The following MTF2 variants were observed in gnomAD, a reference collection of about 807,000 sequenced individuals.
MTF2 encodes the protein metal-response element-binding transcription factor 2.
MTF2 carries 11 observed loss-of-function variants against 79.5 expected under a neutral mutation model. The observed-to-expected ratio is 0.14, with a 90% CI of 0.09 to 0.23. MTF2 has a LOEUF of 0.23. Ranked by LOEUF, MTF2 falls within the 10% of genes least tolerant of loss-of-function variation. The pLI, the probability that MTF2 is intolerant of heterozygous loss-of-function variation, is 1.00. For missense variants in MTF2, 486 were observed against 711.2 expected, an observed-to-expected ratio of 0.68 and a Z score of 3.60; for synonymous variants, 208 against 232.8, an observed-to-expected ratio of 0.89 and a Z score of 0.97.
chr1:93,114,813 C>T, intron 4 of MTF2, 30 bp downstream of exon 4: 1 of 1,507,776 alleles, frequency 6.6e-7, no homozygotes, highest in Non-Finnish European at 9.1e-7. Context: ...AATCTTGTTA[C>T]ATACTGAATG....
intron 8 of MTF2, chr1:93,119,717 C>A: frequency 5.0e-6 from 1 of 200,524 alleles, no homozygotes; most frequent in Non-Finnish European, 9.9e-6. Context: ...ATAGGTATAA[C>A]AAATATGCTA....
intron 14 of MTF2, among the ~76,000 whole-genome samples, chr1:93,136,427 A>G (rs1002068595): frequency 1.3e-5 from 2 of 152,192 alleles, no homozygotes; most frequent in Non-Finnish European, 2.9e-5. Context: ...AAATTACCCT[A>G]AACTTACTAG....
At chr1:93,123,529 T>C (rs1656572140) in intron 9 of MTF2, among the ~76,000 whole-genome samples, 2 of 152,106 alleles carry the variant, frequency 1.3e-5, no homozygotes, top group South Asian at 2.1e-4. Flanking sequence ...TGTAATGATA[T>C]AAGTTGATTG....
chr1:93,121,754 G>A, intron 9 of MTF2: 2 of 899,320 alleles, frequency 2.2e-6, no homozygotes, highest in Non-Finnish European at 2.7e-6. Context: ...TTTTTTTTTA[G>A]ATGAAGTCTG....
At chr1:93,101,568 G>GGTTTTTTTT (rs1655535897) in intron 1 of MTF2, among the ~76,000 whole-genome samples, 2 of 25,398 alleles carry the variant, frequency 7.9e-5, no homozygotes, top group Admixed American at 8.4e-4. Flanking sequence ...GCTCAGGCTG[G>GGTTTTTTTT]TTTTTTTTTT....
At chr1:93,122,886 A>G (rs1442675671) in intron 9 of MTF2, among the ~76,000 whole-genome samples, 4 of 152,092 alleles carry the variant, frequency 2.6e-5, no homozygotes, top group Non-Finnish European at 4.4e-5. Flanking sequence ...ATGCTAGTTT[A>G]TCATGTTTAT....
intron 9 of MTF2, chr1:93,121,552 A>G (rs1256362773): frequency 5.1e-6 from 5 of 983,044 alleles, no homozygotes; most frequent in Middle Eastern, 5.2e-4. Flanking sequence ...TTTCATATCA[A>G]ATAGGATATC....
intron 1 of MTF2, 135 bp from the exon 2 acceptor site, chr1:93,110,095 T>G (rs1557550763): frequency 1.5e-5 from 12 of 793,222 alleles, no homozygotes; most frequent in Non-Finnish European, 2.4e-5. Context: ...GTATTTATGA[T>G]TTGAGGTACT....
intron 1 of MTF2, 64 bp from the exon 2 acceptor site, chr1:93,110,166 T>C: frequency 7.0e-7 from 1 of 1,423,898 alleles, no homozygotes; most frequent in Non-Finnish European, 9.7e-7. Flanking sequence ...ATATAAAATA[T>C]CCCACTGGTA....
At chr1:93,108,340 A>G (rs1031717842) in intron 1 of MTF2, among the ~76,000 whole-genome samples, 1 of 152,142 alleles carries the variant, frequency 6.6e-6, no homozygotes, top group Non-Finnish European at 1.5e-5. Context: ...TTTCAATCGT[A>G]GTAGTATTCA....
chr1:93,102,368 G>A (rs149096277), intron 1 of MTF2, among the ~76,000 whole-genome samples: 206 of 152,206 alleles, frequency 1.4e-3, no homozygotes, highest in African/African-American at 4.0e-3. Context: ...GGAGGCCAAA[G>A]CGGAGGGATT....
intron 1 of MTF2, among the ~76,000 whole-genome samples, chr1:93,085,321 G>A (rs910650336): frequency 6.0e-5 from 9 of 151,074 alleles, no homozygotes; most frequent in Non-Finnish European, 1.3e-4. Flanking sequence ...GACTACAGAT[G>A]CCCACCACCA....
At chr1:93,086,267 G>A (rs1654831579) in intron 1 of MTF2, among the ~76,000 whole-genome samples, 2 of 152,176 alleles carry the variant, frequency 1.3e-5, no homozygotes, top group Non-Finnish European at 2.9e-5. Flanking sequence ...ACTTTGAGAG[G>A]CTGAGGCGGG....
At chr1:93,081,501 C>T (rs1654605315) in intron 1 of MTF2, among the ~76,000 whole-genome samples, 1 of 152,152 alleles carries the variant, frequency 6.6e-6, no homozygotes, top group South Asian at 2.1e-4. Context: ...AACTTAACTG[C>T]TGTTTTAGTT....
chr1:93,128,223 T>C (rs1171233407), intron 10 of MTF2, among the ~76,000 whole-genome samples: 2 of 152,148 alleles, frequency 1.3e-5, no homozygotes, highest in Non-Finnish European at 2.9e-5. Flanking sequence ...GTTCCTGTTA[T>C]GGTAGTAATG....
At chr1:93,121,054 C>T (rs1656457360) in intron 9 of MTF2, 1 of 978,162 alleles carries the variant, frequency 1.0e-6, no homozygotes, top group South Asian at 4.7e-5. Flanking sequence ...ATTCTTCCTT[C>T]CTCTCTTGTT....
intron 3 of MTF2, among the ~76,000 whole-genome samples, chr1:93,113,791 AAAT>A (rs948142367): frequency 6.6e-6 from 1 of 152,136 alleles, no homozygotes; most frequent in African/African-American, 2.4e-5. Context: ...TCTTCTCTAT[AAAT>A]AGTATATTTA....
chr1:93,129,586 C>CATATCTTGCTTAGACAAGGTATGA, intron 11 of MTF2, 138 bp downstream of exon 11: 1 of 610,034 alleles, frequency 1.6e-6, no homozygotes, highest in East Asian at 3.3e-5. Flanking sequence ...TTTGGTCTAT[C>CATATCTTGCTTAGACAAGGTATGA]ATATCTTGCT....
intron 6 of MTF2, 31 bp downstream of exon 6, chr1:93,115,649 A>T: frequency 6.8e-7 from 1 of 1,466,138 alleles, no homozygotes; most frequent in Non-Finnish European, 9.1e-7. Flanking sequence ...AATTCCCTTT[A>T]AGTAATTTTT....
Sources: gnomAD v4.1 joint callset for allele counts (sites outside exome capture counted in the v4.1 genomes callset) on GRCh38, gnomAD v4.1.1 for gene constraint, MANE v1.5 for transcripts, NCBI Gene and HGNC (gene_info 2026-07-23, HGNC 2026-07-21) for gene names.